Variants in SLCO3A1 observed in about 807,000 individuals in gnomAD.
SLCO3A1 encodes the protein solute carrier organic anion transporter family member 3A1.
Under a neutral mutation model 63.1 loss-of-function variants are expected in SLCO3A1, and 27 were observed. That is an observed-to-expected ratio of 0.43 (90% CI 0.32 to 0.59). The LOEUF (loss-of-function observed/expected upper bound fraction) is 0.59. Ranked by LOEUF, SLCO3A1 falls within the 20% of genes least tolerant of loss-of-function variation. The pLI is 0.09. For synonymous variants in SLCO3A1, 473 were observed against 409.9 expected, an observed-to-expected ratio of 1.15 and a Z score of -1.86; for missense variants, 773 against 945.8, an observed-to-expected ratio of 0.82 and a Z score of 2.40.
chr15:91,941,794 T>C lies in SLCO3A1; in HGVS notation c.646+25336T>C, dbSNP rs954815575. 2.6e-5 allele frequency among the ~76,000 whole-genome samples: 4 copies of C among 152,234 alleles called. No homozygotes were observed. Among genetic ancestry groups the C allele is most frequent in the Non-Finnish European group, 4.4e-5 (3 of 68,034 alleles). On this transcript the variant is annotated intron_variant, in intron 2 of 9. Transcript: ENST00000318445. The surrounding 1 kb of genome is among the most constrained non-coding windows in gnomAD (Gnocchi z 4.4). ...TCATCTGAGAGCGCTCAGGCTTCCC[T>C]CTCTCCTCTGCCCAATGCAGTGCTT...
intron 4 of SLCO3A1, among the ~76,000 whole-genome samples, chr15:92,108,035 C>T (rs2047686781): frequency 6.6e-6 from 1 of 152,162 alleles, no homozygotes; most frequent in Non-Finnish European, 1.5e-5. Flanking sequence ...TCAGAACATT[C>T]CCCTAAAAAA....
rs1255723483 is a variant in SLCO3A1 at position 91,860,951 on chromosome 15, A to C, written c.180+6863A>C. Among the ~76,000 whole-genome samples, 1 of 152,072 alleles carries C rather than the reference A, an allele frequency of 6.6e-6. No homozygotes were observed. Among genetic ancestry groups the C allele is most frequent in the African/African-American group, 2.4e-5 (1 of 41,390 alleles). ...CCCATGGATTCATCCATCTCGGCTT[A>C]CGGACATACCTTCTGCACAACACCA... is the stretch of plus-strand genomic sequence containing the variant. On this transcript the variant is annotated intron_variant, in intron 1 of 9. Transcript: ENST00000318445. This position sits in a 1 kb window ranked among gnomAD's most constrained non-coding sequence, Gnocchi z 5.5.
chr15:91,980,600 C>G (rs897885897), intron 2 of SLCO3A1, among the ~76,000 whole-genome samples: 37 of 152,038 alleles, frequency 2.4e-4, no homozygotes, highest in Admixed American at 2.2e-3. Context: ...CCCTTTTACT[C>G]CAGGGATCAT....
In SLCO3A1 at chr15:91,894,463, G is replaced by A. The variant is rs974657248; in HGVS notation, c.181-21530G>A. On this transcript the variant is annotated intron_variant, in intron 1 of 9. Coordinates refer to ENST00000318445, the MANE Select transcript of SLCO3A1 (RefSeq NM_013272.4). The surrounding 1 kb of genome is among the most constrained non-coding windows in gnomAD (Gnocchi z 4.8). ...GGTTGATGGTCGCCAGGTCATAGGT[G>A]GTAGCAGTGGAGACAGAGGAGTGGA... Among the ~76,000 whole-genome samples, 4 of 152,104 alleles carry A rather than the reference G, an allele frequency of 2.6e-5. No homozygotes were observed. The highest frequency in any genetic ancestry group is 4.8e-5 in the African/African-American group (2 of 41,404).
At chr15:91,934,208 C>T (rs952526015) in intron 2 of SLCO3A1, among the ~76,000 whole-genome samples, 4 of 152,154 alleles carry the variant, frequency 2.6e-5, no homozygotes, top group Admixed American at 2.6e-4. Context: ...TCTGTACCCC[C>T]AGTGAGTGTT....
chr15:92,126,407 G>A (rs1387801488), intron 6 of SLCO3A1, 148 bp downstream of exon 6: 1 of 650,682 alleles, frequency 1.5e-6, no homozygotes, highest in Admixed American at 2.5e-5. Flanking sequence ...CCACGTTGGA[G>A]AATCAGTAGA....
intron 2 of SLCO3A1, among the ~76,000 whole-genome samples, chr15:91,979,622 C>T (rs1311246172): frequency 6.6e-6 from 1 of 152,110 alleles, no homozygotes; most frequent in African/African-American, 2.4e-5. Flanking sequence ...TGTCACTTAT[C>T]CTGGGTTTAA....
intron 3 of SLCO3A1, among the ~76,000 whole-genome samples, chr15:92,098,660 G>T (rs1159835388): frequency 6.6e-6 from 1 of 152,142 alleles, no homozygotes; most frequent in South Asian, 2.1e-4. Context: ...CCTCATTGGA[G>T]CCTCAGCACA....
intron 2 of SLCO3A1, among the ~76,000 whole-genome samples, chr15:91,956,935 G>A (rs1334481975): frequency 8.2e-5 from 7 of 84,854 alleles, no homozygotes; most frequent in South Asian, 3.8e-4. Context: ...CTACAGGCGC[G>A]CGCCACCATG....
intron 2 of SLCO3A1, among the ~76,000 whole-genome samples, chr15:92,050,511 G>C (rs1453713024): frequency 6.6e-6 from 1 of 152,196 alleles, no homozygotes; most frequent in African/African-American, 2.4e-5. Flanking sequence ...GGTATGGTCG[G>C]AAGTGGATAC....
chr15:91,919,481 G>A (rs745552594), intron 2 of SLCO3A1, among the ~76,000 whole-genome samples: 2 of 152,222 alleles, frequency 1.3e-5, no homozygotes, highest in African/African-American at 4.8e-5. Flanking sequence ...GCAGCCAGAC[G>A]GTGACCCGTG....
chr15:91,895,860 G>A (rs1459473101), intron 1 of SLCO3A1, among the ~76,000 whole-genome samples: 1 of 152,200 alleles, frequency 6.6e-6, no homozygotes, highest in Non-Finnish European at 1.5e-5. Context: ...TCTAATAAAT[G>A]CAAATCTTCT....
chr15:91,922,512 C>T (rs1027860580), intron 2 of SLCO3A1, among the ~76,000 whole-genome samples: 2 of 152,186 alleles, frequency 1.3e-5, no homozygotes, highest in African/African-American at 4.8e-5. Flanking sequence ...GAATACTGGC[C>T]AGCAACCAAA....
intron 2 of SLCO3A1, among the ~76,000 whole-genome samples, chr15:92,016,237 A>ATAGAT (rs1555424412): frequency 1.7e-5 from 1 of 59,956 alleles, no homozygotes; most frequent in Non-Finnish European, 2.9e-5. Flanking sequence ...AGATAGATAG[A>ATAGAT]TAGATAGATA....
At chr15:92,105,080 A>G (rs1216063674) in intron 4 of SLCO3A1, among the ~76,000 whole-genome samples, 1 of 151,658 alleles carries the variant, frequency 6.6e-6, no homozygotes, top group Admixed American at 6.6e-5. Flanking sequence ...CAGCCTGGCC[A>G]ACGTGGTGAA....
chr15:92,104,053 G>A (rs1386698298), intron 3 of SLCO3A1, among the ~76,000 whole-genome samples: 1 of 152,226 alleles, frequency 6.6e-6, no homozygotes, highest in East Asian at 1.9e-4. Flanking sequence ...TATAAACACA[G>A]GGTAGACAAG....
At chr15:91,908,413 A>C (rs1054661107) in intron 1 of SLCO3A1, 1 of 152,150 alleles carries the variant, frequency 6.6e-6, no homozygotes, top group South Asian at 2.1e-4. Flanking sequence ...TCTTTTCCCT[A>C]GTCAGCACAT....
rs545271768 is a variant in SLCO3A1, at chr15:91,968,035, T to A, written c.646+51577T>A. The stretch of plus-strand genomic sequence containing the variant: ...CTTCTGATTGCCTTACTTGTTCAGA[T>A]GCTTCCATCCTGAACATTTTCTAGA... On this transcript the variant is annotated intron_variant, in intron 2 of 9. Coordinates refer to ENST00000318445, the MANE Select transcript of SLCO3A1 (RefSeq NM_013272.4). This position sits in a 1 kb window ranked among gnomAD's most constrained non-coding sequence, Gnocchi z 4.2. Among the ~76,000 whole-genome samples, 3 of 152,300 alleles carry A rather than the reference T, an allele frequency of 2.0e-5. No homozygotes were observed. Among genetic ancestry groups the A allele is most frequent in the Admixed American group, 2.0e-4 (3 of 15,300 alleles).
intron 2 of SLCO3A1, among the ~76,000 whole-genome samples, chr15:92,011,231 T>C (rs1481998998): frequency 1.3e-5 from 2 of 152,338 alleles, no homozygotes; most frequent in Admixed American, 6.5e-5. Context: ...GATATCCAAA[T>C]GGCTCTCTTC....
Sources: allele counts gnomAD v4.1 joint callset (sites outside exome capture counted in the v4.1 genomes callset), GRCh38; gene constraint gnomAD v4.1.1; non-coding constraint Gnocchi (gnomAD v3.1); transcripts MANE v1.5; gene names NCBI Gene and HGNC (gene_info 2026-07-23, HGNC 2026-07-21).